The following MPO variants were observed in gnomAD, a reference collection of about 807,000 sequenced individuals.
MPO encodes the protein myeloperoxidase.
MPO carries 57 observed loss-of-function variants against 69.4 expected under a neutral mutation model. That is an observed-to-expected ratio of 0.82 (90% confidence interval 0.66 to 1.02). The LOEUF is 1.02. Ranked by LOEUF, MPO falls within the 50% of genes least tolerant of loss-of-function variation. The pLI, the probability that MPO is intolerant of heterozygous loss-of-function variation, is 0.00. For missense variants in MPO, 971 were observed against 1,014.1 expected, an observed-to-expected ratio of 0.96 and a Z score of 0.58; for synonymous variants, 426 against 417.1, an observed-to-expected ratio of 1.02 and a Z score of -0.26.
intron 3 of MPO, 60 bp downstream of exon 3, chr17:58,279,779 G>T: frequency 6.2e-7 from 1 of 1,612,936 alleles, no homozygotes; most frequent in South Asian, 1.1e-5. Context: ...AGAGACGGCT[G>T]GGGTCCCTAG....
intron 2 of MPO, 76 bp from the exon 3 acceptor site, chr17:58,280,090 A>G: frequency 6.3e-7 from 1 of 1,580,722 alleles, no homozygotes. Flanking sequence ...CCAGGGGCAG[A>G]CATGCAGGAC....
At position 58,279,622 on chromosome 17, in the gene MPO, T is replaced by G. The variant is rs146782684; in HGVS notation, c.449A>C (p.Asn150Thr). Reference sequence around the variant, plus strand: ...GCAGCCGCTTGACTTGGACAACACATTCAGCTGGGCGGGCGTCAGCACATC... The same window carrying G: ...GCAGCCGCTTGACTTGGACAACACAGTCAGCTGGGCGGGCGTCAGCACATC... ...VTDVLTPAQLNVLSKSSGCAY... is the reference protein window; with the variant it reads ...VTDVLTPAQLTVLSKSSGCAY... Residue 150 changes from asparagine (N) to threonine (T), a missense_variant, in exon 4 of 12, where the codon AAT becomes ACT. Transcript: ENST00000225275. 6.2e-7 allele frequency: 1 copy of G among 1,614,072 alleles called. No homozygotes were observed. The highest frequency in any genetic ancestry group is 8.5e-7 in the Non-Finnish European group (1 of 1,180,026).
Position 58,270,949 on chromosome 17 carries a change from T to C in MPO, c.2031-86A>G. 2.0e-6 allele frequency: 3 copies of C among 1,489,790 alleles called. No individual in the cohort carries two copies. Among genetic ancestry groups the C allele is most frequent in the Non-Finnish European group, 2.8e-6 (3 of 1,074,760 alleles). 92.3% of individuals were successfully genotyped at this position (1,489,790 alleles called of 1,614,324 possible). On this transcript the variant is annotated intron_variant, in intron 11 of 11. Transcript: ENST00000225275. The surrounding 1 kb of genome is among the most constrained non-coding windows in gnomAD (Gnocchi z 4.1). ...ATGGGCTTGTGCTGCTCCCAGGATA[T>C]AACAAAGCCACAACAAATGCCACCT...
chr17:58,272,577 G>A (rs1193911665), intron 10 of MPO, among the ~76,000 whole-genome samples, 171 bp downstream of exon 10: 3 of 152,212 alleles, frequency 2.0e-5, no homozygotes, highest in Non-Finnish European at 4.4e-5. Flanking sequence ...AATTTATCAG[G>A]TGGGTCCGGG....
chr17:58,273,360 C>T (rs35112109), intron 9 of MPO, 54 bp downstream of exon 9: 20,641 of 1,613,066 alleles, frequency 0.013, 174 homozygotes, highest in Non-Finnish European at 0.015. Flanking sequence ...CAAGGTGATC[C>T]CTACCCCACC....
chr17:58,273,289 T>G (rs1970389705), intron 9 of MPO, 125 bp downstream of exon 9: 1 of 1,459,054 alleles, frequency 6.9e-7, no homozygotes, highest in African/African-American at 1.4e-5. Context: ...GGCTAGAGAG[T>G]CAGACCAGAT....
At chr17:58,274,974 C>T (rs1370953624) in intron 8 of MPO, among the ~76,000 whole-genome samples, 1 of 151,868 alleles carries the variant, frequency 6.6e-6, no homozygotes, top group Non-Finnish European at 1.5e-5. Context: ...ACGCCATTCT[C>T]CTGCCTCAGC....
In MPO at chr17:58,280,411, T is replaced by A. The variant is rs1263812248; in HGVS notation, c.203A>T (p.Glu68Val). Residue 68 changes from glutamate to valine, a missense_variant, in exon 2 of 12, where the codon GAG becomes GTG. By Grantham distance (121) the Glu-to-Val change is moderately radical. Transcript: ENST00000225275. ...DTSLVLSSME[E>V]AKQLVDKAYK... ...GGCCTTGTCCACCAGCTGCTTGGCC[T>A]CCTCCATGGAGCTCAGCACCAACGA... 5 of 1,614,010 alleles carry A rather than the reference T, an allele frequency of 3.1e-6. No individual in the cohort carries two copies. Among genetic ancestry groups the A allele is most frequent in the Non-Finnish European group, 3.4e-6 (4 of 1,179,986 alleles).
In MPO at chr17:58,277,995, C is replaced by T. The variant is rs570248673; in HGVS notation, c.1036G>A (p.Glu346Lys). The T allele has an allele frequency of 5.6e-6, 9 of 1,613,904 alleles. No individual in the cohort carries two copies. The highest frequency in any genetic ancestry group is 1.3e-5 in the African/African-American group (1 of 75,058). The change falls in exon 7 of 12, where the codon GAG becomes AAG. Residue 346 changes from glutamate (E) to lysine (K), a missense_variant. Physicochemically the swap from Glu to Lys is moderately conservative, Grantham distance 56. Transcript: ENST00000225275. Reference sequence around the variant, plus strand: ...CGCAGGTTCCTGGCCAGGGGCTCCTCGCTGCCGTACACCATGCTGGCGTCC... The same window carrying T: ...CGCAGGTTCCTGGCCAGGGGCTCCTTGCTGCCGTACACCATGCTGGCGTCC... ...FVDASMVYGS[E>K]EPLARNLRNM...
At position 58,277,882 on chromosome 17, in the gene MPO, G is replaced by C. The variant is rs778136940; in HGVS notation, c.1149C>G (p.His383Gln). ...GRALLPFDNL[H>Q]DDPCLLTNRS... ...GGTTGGTGAGGAGACAGGGGTCATC[G>C]TGCAGGTTGTCAAAGGGCAGCAGGG... Residue 383 changes from histidine to glutamine, a missense_variant, in exon 7 of 12, where the codon CAC (histidine) becomes CAG (glutamine). His to Gln is a conservative substitution (Grantham distance 24, BLOSUM62 0). Coordinates refer to ENST00000225275, the MANE Select transcript of MPO (RefSeq NM_000250.2). 7.5e-6 allele frequency: 12 copies of C among 1,609,782 alleles called. No homozygotes were observed. Among genetic ancestry groups the C allele is most frequent in the Non-Finnish European group, 1.0e-5 (12 of 1,180,022 alleles).
chr17:58,273,503 C>T lies in MPO; in HGVS notation c.1532G>A (p.Arg511His), dbSNP rs370090361. 77 of 1,613,992 alleles carry T rather than the reference C, an allele frequency of 4.8e-5. No individual in the cohort carries two copies. Among genetic ancestry groups the T allele is most frequent in the Non-Finnish European group, 5.7e-5 (67 of 1,180,028 alleles). The change falls in exon 9 of 12, where the codon CGC becomes CAC. Residue 511 changes from arginine to histidine, a missense_variant. By Grantham distance (29) the Arg-to-His change is conservative. Transcript: ENST00000225275. The stretch of plus-strand genomic sequence containing the variant: ...CATGGGCTGGTACCGATTGTCCAGG[C>T]GGAACATGAAGGGTTGGATGAGGGT... ...GHTLIQPFMFRLDNRYQPMEP... is the reference protein window; with the variant it reads ...GHTLIQPFMFHLDNRYQPMEP...
In MPO at chr17:58,278,101, G is replaced by A; in HGVS notation, c.930C>T (p.Ile310=). ...AAGCCGGGCAGGAGCGGAAGAACGGGATGCAGTCGGCTTGGTTCTTGATGC... is the reference window on the plus strand; with the variant it reads ...AAGCCGGGCAGGAGCGGAAGAACGGAATGCAGTCGGCTTGGTTCTTGATGC... ...DPRIKNQADC[I]PFFRSCPACP... Residue 310 remains isoleucine (I), a synonymous_variant, in exon 7 of 12, where the codon ATC becomes ATT. Coordinates refer to ENST00000225275, the MANE Select transcript of MPO (RefSeq NM_000250.2). 1 of 1,607,000 alleles carries A rather than the reference G, an allele frequency of 6.2e-7. No homozygotes were observed. Among genetic ancestry groups the A allele is most frequent in the Non-Finnish European group, 8.5e-7 (1 of 1,179,978 alleles).
Position 58,279,217 on chromosome 17 carries a change from G to A in MPO, c.679-3C>T, listed in dbSNP as rs1970479781. 1.9e-6 allele frequency: 3 copies of A among 1,598,214 alleles called. No homozygotes were observed. The highest frequency in any genetic ancestry group is 3.5e-5 in the Admixed American group (2 of 57,342). On this transcript the variant is annotated splice_polypyrimidine_tract_variant and splice_region_variant and intron_variant, in intron 5 of 11. Coordinates refer to ENST00000225275, the MANE Select transcript of MPO (RefSeq NM_000250.2). ...ATCTCGTTGGAGACCGCGCGAGCCT[G>A]CGGGACACGGAGATCAGCTGGCGCC...
Position 58,273,459 on chromosome 17 carries a change from G to A in MPO, c.1576C>T (p.Pro526Ser). Residue 526 changes from proline to serine, a missense_variant, in exon 9 of 12, where the codon CCC (proline) becomes TCC (serine). Physicochemically the swap from Pro to Ser is moderately conservative, Grantham distance 74. Transcript: ENST00000225275. ...YQPMEPNPRV[P>S]LSRVFFASWR... ...GAGGCAAAAAAGACCCTGCTGAGGG[G>A]GACACGGGGGTTGGGTTCCATGGGC... The A allele has an allele frequency of 6.2e-7, 1 of 1,614,216 alleles. No individual in the cohort carries two copies. Among genetic ancestry groups the A allele is most frequent in the Non-Finnish European group, 8.5e-7 (1 of 1,180,050 alleles).
In MPO at chr17:58,279,073, AG is replaced by A. The variant is rs1970476555; in HGVS notation, c.819del (p.Ser274ProfsTer160). 4 of 1,613,036 alleles carry A rather than the reference AG, an allele frequency of 2.5e-6. No individual in the cohort carries two copies. The Admixed American group carries it at 6.7e-5, about 27-fold the overall frequency. On this transcript the variant is annotated frameshift_variant, in exon 6 of 12. Transcript: ENST00000225275. LOFTEE classifies it high-confidence loss of function. ...TCGCAGTTGACGCCAGTGACGAAGG[AG>A]GCCCGGGCGGCCGGCTCAGGGGTGA... ...LDFTPEPAAR[A>X]SFVTGVNCET...
rs762048014 is a variant in MPO at position 58,279,856 on chromosome 17, C to G, written c.407G>C (p.Arg136Thr). The G allele has an allele frequency of 6.2e-7, 1 of 1,613,930 alleles. No homozygotes were observed. Among genetic ancestry groups the G allele is most frequent in the Non-Finnish European group, 8.5e-7 (1 of 1,180,010 alleles). Reference protein sequence around the residue: ...LERKLRSLWRRPFNVTDVLTP... With the variant: ...LERKLRSLWRTPFNVTDVLTP... ...AACAGTACCAGTGACATTGAATGGCCTTCGCCACAGGGACCGCAGCTTCCT... is the reference window on the plus strand; with the variant it reads ...AACAGTACCAGTGACATTGAATGGCGTTCGCCACAGGGACCGCAGCTTCCT... The change falls in exon 3 of 12, where the codon AGG becomes ACG. Residue 136 changes from arginine to threonine, a missense_variant. By Grantham distance (71) the Arg-to-Thr change is moderately conservative. Coordinates refer to ENST00000225275, the MANE Select transcript of MPO (RefSeq NM_000250.2).
chr17:58,277,836 AG>A lies in MPO; in HGVS notation c.1194del (p.Phe399SerfsTer35), dbSNP rs1407981144. 7.5e-6 allele frequency: 12 copies of A among 1,603,444 alleles called. No homozygotes were observed. Among genetic ancestry groups the A allele is most frequent in the Middle Eastern group, 1.9e-4 (1 of 5,402 alleles). On this transcript the variant is annotated frameshift_variant, in exon 7 of 12. Coordinates refer to ENST00000225275, the MANE Select transcript of MPO (RefSeq NM_000250.2). LOFTEE classifies it high-confidence loss of function. The part of the protein sequence containing the change: ...LLTNRSARIP[C>X]FLAGDTRSSE... Reference sequence around the variant, plus strand: ...CCACCCCAAAGCTGACCTGCCAGGAAGCAGGGGATGCGCGCTGAGCGGTTGG... The same window carrying A: ...CCACCCCAAAGCTGACCTGCCAGGAACAGGGGATGCGCGCTGAGCGGTTGG...
intron 2 of MPO, 111 bp downstream of exon 2, chr17:58,280,255 C>A: frequency 8.7e-7 from 1 of 1,153,706 alleles, no homozygotes. Context: ...AGGGAGTCCA[C>A]ATGGGTCCCC....
chr17:58,279,753 G>A lies in MPO; in HGVS notation c.424+86C>T, dbSNP rs1567829837. The A allele has an allele frequency of 3.1e-6, 5 of 1,613,174 alleles. No individual in the cohort carries two copies. In the East Asian group the frequency reaches 8.9e-5, roughly 29 times the overall value. ...CTCCTGAGACTCCCTGGAGGAAGAAGTTGAGGGGATCACTGAGAGACGGCT... is the reference window on the plus strand; with the variant it reads ...CTCCTGAGACTCCCTGGAGGAAGAAATTGAGGGGATCACTGAGAGACGGCT... On this transcript the variant is annotated intron_variant, in intron 3 of 11. Transcript: ENST00000225275.
Sources: allele counts gnomAD v4.1 joint callset (sites outside exome capture counted in the v4.1 genomes callset), GRCh38; gene constraint gnomAD v4.1.1; non-coding constraint Gnocchi (gnomAD v3.1); transcripts MANE v1.5; gene names NCBI Gene and HGNC (gene_info 2026-07-23, HGNC 2026-07-21).